Variants in KAZN observed in about 807,000 individuals in gnomAD.
KAZN encodes kazrin.
A neutral mutation model predicts 87.4 loss-of-function variants in KAZN; 40 were observed. The ratio of observed to expected loss-of-function variants is 0.46; its 90% confidence interval spans 0.36 to 0.60. The LOEUF is 0.60. Among genes scored for constraint, KAZN ranks in the 20% least tolerant of loss-of-function variants. The probability of loss-of-function intolerance (pLI) is 0.00; values close to 1 mark genes in which losing one functional copy is unlikely to be tolerated. For missense variants in KAZN, 898 were observed against 1,073.9 expected (o/e 0.84, Z 2.29); for synonymous variants, 466 against 458.3 (o/e 1.02, Z -0.22).
At chr1:14,102,684 CATCCCCGT>C (rs1189188026) in intron 1 of KAZN, among the ~76,000 whole-genome samples, 1 of 152,172 alleles carries the variant, frequency 6.6e-6, no homozygotes, top group Non-Finnish European at 1.5e-5. Context: ...GAGCTCCGTG[CATCCCCGT>C]GTATTAGCTC....
chr1:14,475,455 C>T (rs1354251252), intron 2 of KAZN, among the ~76,000 whole-genome samples: 2 of 152,270 alleles, frequency 1.3e-5, no homozygotes, highest in South Asian at 2.1e-4. Flanking sequence ...ATTCACCTCC[C>T]GTATCTTGTG....
intron 1 of KAZN, among the ~76,000 whole-genome samples, chr1:14,707,710 A>AT (rs1642282222): frequency 6.6e-6 from 1 of 152,216 alleles, no homozygotes; most frequent in Admixed American, 6.5e-5. Context: ...TTGTCGTGTC[A>AT]GTCATCAGGA....
At chr1:13,950,949 G>A (rs1249535422) in intron 1 of KAZN, among the ~76,000 whole-genome samples, 1 of 152,176 alleles carries the variant, frequency 6.6e-6, no homozygotes, top group African/African-American at 2.4e-5. Flanking sequence ...TGCAGTTCTC[G>A]GGAAACTGTC....
chr1:14,585,372 G>T (rs1470313348), intron 2 of KAZN, among the ~76,000 whole-genome samples: 5 of 152,152 alleles, frequency 3.3e-5, no homozygotes, highest in African/African-American at 4.8e-5. Flanking sequence ...TTTCTCATTT[G>T]TGGATCTGCA....
intron 1 of KAZN, among the ~76,000 whole-genome samples, chr1:14,172,535 C>T (rs1347021769): frequency 6.6e-6 from 1 of 152,218 alleles, no homozygotes; most frequent in East Asian, 1.9e-4. Context: ...AAATGTGTTC[C>T]ATGAGGGTGA....
intron 1 of KAZN, among the ~76,000 whole-genome samples, chr1:14,049,482 A>G (rs1370362470): frequency 6.6e-6 from 1 of 152,094 alleles, no homozygotes; most frequent in Non-Finnish European, 1.5e-5. Flanking sequence ...CAAACAAACA[A>G]AAAAGAACCT....
At chr1:15,110,512 TG>T (rs1557807190) in intron 13 of KAZN, among the ~76,000 whole-genome samples, 5 of 144,220 alleles carry the variant, frequency 3.5e-5, no homozygotes, top group African/African-American at 1.4e-4. Flanking sequence ...TGTATTTGTG[TG>T]TTTGTGTGTA....
intron 1 of KAZN, among the ~76,000 whole-genome samples, chr1:14,690,822 C>G (rs928458333): frequency 1.3e-5 from 2 of 152,150 alleles, no homozygotes; most frequent in African/African-American, 4.8e-5. Flanking sequence ...TGTGTAATTA[C>G]ACTCCCCGCC....
intron 1 of KAZN, among the ~76,000 whole-genome samples, chr1:14,870,906 C>T (rs1158536256): frequency 6.6e-6 from 1 of 152,210 alleles, no homozygotes; most frequent in Non-Finnish European, 1.5e-5. Context: ...GAAATTAAGA[C>T]TCATCATATG....
Position 14,287,714 on chromosome 1 carries a change from A to G in KAZN, c.249+107122A>G, listed in dbSNP as rs143966370. ...TGCCCTGGCCAGAACTTCCAACACTATGTTGAATATGAGTGGTGAGAGAGG... is the reference window on the plus strand; with the variant it reads ...TGCCCTGGCCAGAACTTCCAACACTGTGTTGAATATGAGTGGTGAGAGAGG... On this transcript the variant is annotated intron_variant, in intron 2 of 16. Coordinates refer to the KAZN transcript ENST00000636203. Among the ~76,000 whole-genome samples, 16 of 152,264 alleles carry G rather than the reference A, an allele frequency of 1.1e-4. 1 individual carries two copies. In the East Asian group the frequency reaches 3.1e-3, roughly 29 times the overall value.
At chr1:14,867,724 A>ATC (rs35065469) in intron 1 of KAZN, among the ~76,000 whole-genome samples, 1,815 of 107,426 alleles carry the variant, frequency 0.017, 67 homozygotes, top group African/African-American at 0.048. Flanking sequence ...CTTTGAAGAC[A>ATC]CCCCCCCCCC....
chr1:14,050,302 C>T lies in KAZN; in HGVS notation c.92-130133C>T, dbSNP rs192766958. The stretch of plus-strand genomic sequence containing the variant: ...CTATAATTTGGAGCACTGGATACTT[C>T]TCTAAAGGCCAGACCAACAGCTGAG... On this transcript the variant is annotated intron_variant, in intron 1 of 16. Coordinates refer to the KAZN transcript ENST00000636203. Among the ~76,000 whole-genome samples, 656 of 152,322 alleles carry T rather than the reference C, an allele frequency of 4.3e-3. 3 individuals carry two copies. The highest frequency in any genetic ancestry group is 4.4e-3 in the Non-Finnish European group (300 of 68,024).
In KAZN at chr1:15,081,061, C is replaced by T. The variant is rs1053370201; in HGVS notation, c.1223-13119C>T. On this transcript the variant is annotated intron_variant, in intron 8 of 14. Transcript: ENST00000376030. The surrounding 1 kb of genome is among the most constrained non-coding windows in gnomAD (Gnocchi z 4.1). ...CTGCATAAGAGGGGCCACAGGTGAC[C>T]CTGCTGTGGCTGGAAGAGGCGTGGA... Among the ~76,000 whole-genome samples, 3 of 152,260 alleles carry T rather than the reference C, an allele frequency of 2.0e-5. No homozygotes were observed. The highest frequency in any genetic ancestry group is 7.2e-5 in the African/African-American group (3 of 41,468).
intron 2 of KAZN, among the ~76,000 whole-genome samples, chr1:14,380,927 TAATC>T (rs1485351030): frequency 6.6e-6 from 1 of 152,164 alleles, no homozygotes; most frequent in Non-Finnish European, 1.5e-5. Context: ...AGGCATTTAA[TAATC>T]AAACTTTCAA....
At chr1:14,154,114 T>C (rs1460065941) in intron 1 of KAZN, among the ~76,000 whole-genome samples, 1 of 152,198 alleles carries the variant, frequency 6.6e-6, no homozygotes, top group African/African-American at 2.4e-5. Flanking sequence ...TTTAATAATA[T>C]CGATTCTTCC....
In KAZN at chr1:13,921,997, T is replaced by G. The variant is rs1640087327; in HGVS notation, c.91+28241T>G. Reference sequence around the variant, plus strand: ...GAGTCATTGGAGAGCAGGGATTGGGTTTTTTCCATGTGTCTTTTCCTTTTG... The same window carrying G: ...GAGTCATTGGAGAGCAGGGATTGGGGTTTTTCCATGTGTCTTTTCCTTTTG... On this transcript the variant is annotated intron_variant, in intron 1 of 16. Transcript: ENST00000636203. Among the ~76,000 whole-genome samples, 2 of 152,074 alleles carry G rather than the reference T, an allele frequency of 1.3e-5. 1 individual carries two copies. The highest frequency in any genetic ancestry group is 4.8e-5 in the African/African-American group (2 of 41,390).
intron 2 of KAZN, among the ~76,000 whole-genome samples, chr1:14,391,124 G>T (rs1412861741): frequency 6.6e-6 from 1 of 152,154 alleles, no homozygotes; most frequent in Non-Finnish European, 1.5e-5. Flanking sequence ...CACTTAGGAG[G>T]CAATTATAAT....
chr1:14,047,897 G>A (rs1642146847), intron 1 of KAZN, among the ~76,000 whole-genome samples: 1 of 151,302 alleles, frequency 6.6e-6, no homozygotes, highest in African/African-American at 2.4e-5. Context: ...AATAAAGAAA[G>A]AAGGAAGGAA....
intron 1 of KAZN, among the ~76,000 whole-genome samples, chr1:14,819,706 C>CTTTTTT (rs775752838): frequency 1.7e-5 from 2 of 117,528 alleles, no homozygotes; most frequent in African/African-American, 3.4e-5. Context: ...GAAAAAAAAT[C>CTTTTTT]TTTTTTTTTT....
Sources: allele counts gnomAD v4.1 joint callset (sites outside exome capture counted in the v4.1 genomes callset), GRCh38; gene constraint gnomAD v4.1.1; non-coding constraint Gnocchi (gnomAD v3.1); transcripts MANE v1.5; gene names NCBI Gene and HGNC (gene_info 2026-07-23, HGNC 2026-07-21).